PDLIM4: variants seen among roughly 807,000 people sequenced by gnomAD.
PDLIM4 encodes PDZ and LIM domain 4.
In PDLIM4, 19 loss-of-function variants were observed where a neutral mutation model predicts 31.3. That is an observed-to-expected ratio of 0.61 (90% confidence interval 0.42 to 0.89). The LOEUF is 0.89. Ranked by LOEUF, PDLIM4 falls within the 40% of genes least tolerant of loss-of-function variation. The pLI is 0.00. For synonymous variants in PDLIM4, 176 were observed against 190.1 expected, an observed-to-expected ratio of 0.93 and a Z score of 0.61; for missense variants, 442 against 461.1, an observed-to-expected ratio of 0.96 and a Z score of 0.38.
intron 1 of PDLIM4, among the ~76,000 whole-genome samples, chr5:132,259,500 G>C (rs1274832339): frequency 2.6e-5 from 4 of 152,180 alleles, no homozygotes; most frequent in Admixed American, 6.5e-5. Context: ...CCAAAGTCAC[G>C]CGGCAGCAGC....
chr5:132,271,324 C>G lies in PDLIM4; in HGVS notation c.528C>G (p.Leu176=). ...PPPSADPARG[L]PRSRDCRVDL... ...CCAGCGCTGACCCAGCCAGAGGCCT[C>G]CCGCGGAGCCGGGACTGCAGAGTCG... Residue 176 remains leucine (L), a synonymous_variant, in exon 5 of 7, where the codon CTC becomes CTG. Transcript: ENST00000253754. 1 of 1,597,000 alleles carries G rather than the reference C, an allele frequency of 6.3e-7. No homozygotes were observed. Among genetic ancestry groups the G allele is most frequent in the Non-Finnish European group, 8.5e-7 (1 of 1,173,208 alleles).
intron 1 of PDLIM4, among the ~76,000 whole-genome samples, chr5:132,260,246 G>A (rs1213901543): frequency 2.0e-5 from 3 of 152,140 alleles, no homozygotes; most frequent in African/African-American, 4.8e-5. Flanking sequence ...TACCGGTAAG[G>A]GGCTGATTCA....
rs1157909125 is a variant in PDLIM4 at position 132,272,127 on chromosome 5, C to G, written c.891C>G (p.Asp297Glu). Reference protein sequence around the residue: ...NLKQRGYFFLDERLYCESHAK... With the variant: ...NLKQRGYFFLEERLYCESHAK... ...AGCAGCGTGGTTACTTCTTTCTGGA[C>G]GAGCGGCTCTACTGTGAGAGCCACG... The change falls in exon 7 of 7, where the codon GAC (aspartate) becomes GAG (glutamate). Residue 297 changes from aspartate to glutamate, a missense_variant. Coordinates refer to ENST00000253754, the MANE Select transcript of PDLIM4 (RefSeq NM_003687.4). The G allele has an allele frequency of 2.5e-6, 4 of 1,614,226 alleles. No homozygotes were observed. The highest frequency in any genetic ancestry group is 1.6e-4 in the Middle Eastern group (1 of 6,062).
intron 1 of PDLIM4, among the ~76,000 whole-genome samples, chr5:132,259,052 T>G (rs1170351511): frequency 6.6e-6 from 1 of 152,094 alleles, no homozygotes; most frequent in African/African-American, 2.4e-5. Flanking sequence ...ACATCTGCCC[T>G]CACTGCCAGG....
At chr5:132,258,332 A>C (rs1260850890) in intron 1 of PDLIM4, among the ~76,000 whole-genome samples, 4 of 152,242 alleles carry the variant, frequency 2.6e-5, no homozygotes, top group African/African-American at 4.8e-5. Context: ...GGCGTGAGTC[A>C]GTCTCTCATT....
At chr5:132,267,656 C>T (rs2126677225) in intron 3 of PDLIM4, among the ~76,000 whole-genome samples, 1 of 152,192 alleles carries the variant, frequency 6.6e-6, no homozygotes, top group South Asian at 2.1e-4. Context: ...GGAAGTGTGG[C>T]CCAGAGGTGA....
intron 1 of PDLIM4, among the ~76,000 whole-genome samples, chr5:132,258,709 AGG>A (rs1305101090): frequency 6.6e-6 from 1 of 152,200 alleles, no homozygotes; most frequent in Non-Finnish European, 1.5e-5. Flanking sequence ...CCCCAGCCTA[AGG>A]GACAGAAGAG....
intron 3 of PDLIM4, among the ~76,000 whole-genome samples, chr5:132,268,057 C>G (rs1756529255): frequency 6.6e-6 from 1 of 151,978 alleles, no homozygotes; most frequent in African/African-American, 2.4e-5. Flanking sequence ...AGGAGAGGCT[C>G]AGGGCCGGTG....
At chr5:132,262,800 AG>A (rs1389982176) in intron 2 of PDLIM4, 40 bp downstream of exon 2, 3 of 1,583,728 alleles carry the variant, frequency 1.9e-6, no homozygotes, top group African/African-American at 1.3e-5. Flanking sequence ...TGGAAGGACG[AG>A]GTGGGCAGTT....
intron 1 of PDLIM4, among the ~76,000 whole-genome samples, 184 bp downstream of exon 1, chr5:132,258,011 A>G (rs1756283269): frequency 1.3e-5 from 2 of 152,220 alleles, no homozygotes; most frequent in Non-Finnish European, 2.9e-5. Flanking sequence ...CCCTCCTCCC[A>G]CGCTGGGCCT....
intron 5 of PDLIM4, 159 bp from the exon 6 acceptor site, chr5:132,271,632 C>T: frequency 1.1e-6 from 1 of 919,536 alleles, no homozygotes; most frequent in East Asian, 2.5e-5. Context: ...CTTCCCGATT[C>T]CCTCTCCACC....
intron 1 of PDLIM4, among the ~76,000 whole-genome samples, chr5:132,259,286 C>T (rs1295788911): frequency 6.6e-6 from 1 of 152,060 alleles, no homozygotes; most frequent in Admixed American, 6.5e-5. Flanking sequence ...GGCTCAGTGG[C>T]GGCGGCTGAC....
intron 3 of PDLIM4, among the ~76,000 whole-genome samples, chr5:132,269,831 G>A (rs182321297): frequency 6.6e-6 from 1 of 152,172 alleles, no homozygotes; most frequent in Non-Finnish European, 1.5e-5. Context: ...CCTAAAATCA[G>A]GCTGCTCTGG....
In PDLIM4 at chr5:132,271,465, C is replaced by CG. The variant is rs1164933848; in HGVS notation, c.670+1dup. ...AGGGCATGCTAGAGGCCGGCGAGGG[C>CG]GGTAAGACGCCTGCCACCTGTCCCC... On this transcript the variant is annotated frameshift_variant and splice_region_variant, in exon 5 of 7. Transcript: ENST00000253754. LOFTEE classifies it high-confidence loss of function. 6.2e-7 allele frequency: 1 copy of CG among 1,607,582 alleles called. No homozygotes were observed. Among genetic ancestry groups the CG allele is most frequent in the African/African-American group, 1.3e-5 (1 of 74,942 alleles).
chr5:132,264,938 G>A (rs1756457777), intron 2 of PDLIM4, among the ~76,000 whole-genome samples: 1 of 152,170 alleles, frequency 6.6e-6, no homozygotes, highest in Non-Finnish European at 1.5e-5. Context: ...AATGAAAAGT[G>A]TATCAAAGGC....
intron 3 of PDLIM4, 23 bp from the exon 4 acceptor site, chr5:132,270,891 GT>G: frequency 6.2e-7 from 1 of 1,611,088 alleles, no homozygotes; most frequent in Non-Finnish European, 8.5e-7. Context: ...GGGTCTCCCA[GT>G]GCCTTAGGCC....
In PDLIM4 at chr5:132,257,943, C is replaced by T; in HGVS notation, c.93+116C>T. ...CGAGGCTTGAAGGCGGAGGGTTGGC[C>T]TGGGCGCCCCGCATGCTGTAGAGGC... On this transcript the variant is annotated intron_variant, in intron 1 of 6. Coordinates refer to ENST00000253754, the MANE Select transcript of PDLIM4 (RefSeq NM_003687.4). The surrounding 1 kb of genome is among the most constrained non-coding windows in gnomAD (Gnocchi z 4.3). The T allele has an allele frequency of 1.8e-6, 1 of 554,630 alleles. No homozygotes were observed. The highest frequency in any genetic ancestry group is 2.9e-6 in the Non-Finnish European group (1 of 344,602). 34.4% of individuals were successfully genotyped at this position (554,630 alleles called of 1,614,324 possible). A position where few individuals can be genotyped will look rare whatever the true frequency, so the allele number is the denominator to read the frequency against.
chr5:132,262,472 C>A (rs1027998908), intron 1 of PDLIM4, 137 bp from the exon 2 acceptor site: 3 of 734,204 alleles, frequency 4.1e-6, no homozygotes, highest in Non-Finnish European at 6.3e-6. Context: ...CAACCAGCCA[C>A]TCGGCTTGCC....
rs1756292034 is a variant in PDLIM4 at position 132,258,394 on chromosome 5, A to G, written c.93+567A>G. ...GTGACCAGGAGGAATTTTGGCTTCC[A>G]GGGGAAAGGGAGACTTAACTGTGAG... On this transcript the variant is annotated intron_variant, in intron 1 of 6. Coordinates refer to ENST00000253754, the MANE Select transcript of PDLIM4 (RefSeq NM_003687.4). 2.0e-5 allele frequency among the ~76,000 whole-genome samples: 3 copies of G among 152,226 alleles called. 1 individual carries two copies. In the South Asian group the frequency reaches 6.2e-4, roughly 31 times the overall value.
Sources: gnomAD v4.1 joint callset for allele counts (sites outside exome capture counted in the v4.1 genomes callset) on GRCh38, gnomAD v4.1.1 for gene constraint, Gnocchi (gnomAD v3.1) non-coding constraint, MANE v1.5 for transcripts, NCBI Gene and HGNC (gene_info 2026-07-23, HGNC 2026-07-21) for gene names.